KIF16B: variants seen among roughly 807,000 people sequenced by gnomAD.
The protein encoded by KIF16B is kinesin-like protein KIF16B.
A neutral mutation model predicts 156.3 loss-of-function variants in KIF16B; 98 were observed. The observed-to-expected ratio is 0.63, with a 90% CI of 0.53 to 0.74. The LOEUF is 0.74. Among genes scored for constraint, KIF16B ranks in the 30% least tolerant of loss-of-function variants. The pLI, the probability that KIF16B is intolerant of heterozygous loss-of-function variation, is 0.00. For synonymous variants in KIF16B, 564 were observed against 583.7 expected (o/e 0.97, Z 0.49); for missense variants, 1,421 against 1,606.5 (o/e 0.88, Z 1.97).
At chr20:16,551,217 C>T (rs575454697) in intron 1 of KIF16B, among the ~76,000 whole-genome samples, 4 of 151,142 alleles carry the variant, frequency 2.6e-5, no homozygotes, top group Admixed American at 6.6e-5. Context: ...CTGCAACCTC[C>T]GCCTCCTGGT....
At chr20:16,315,568 C>A (rs2063685525) in intron 24 of KIF16B, among the ~76,000 whole-genome samples, 1 of 152,092 alleles carries the variant, frequency 6.6e-6, no homozygotes, top group East Asian at 1.9e-4. Flanking sequence ...ATGAACATAC[C>A]ACTCCAAGGC....
intron 25 of KIF16B, among the ~76,000 whole-genome samples, chr20:16,300,576 A>C (rs930630279): frequency 1.3e-5 from 2 of 152,188 alleles, no homozygotes; most frequent in African/African-American, 2.4e-5. Flanking sequence ...GAAGGATAGA[A>C]GTGAAAGAGC....
intron 17 of KIF16B, among the ~76,000 whole-genome samples, chr20:16,403,374 C>A (rs965315119): frequency 6.6e-6 from 1 of 152,158 alleles, no homozygotes; most frequent in South Asian, 2.1e-4. Flanking sequence ...AATTAAAGAC[C>A]TACAACAAAA....
At chr20:16,334,651 C>T (rs990276436) in intron 24 of KIF16B, among the ~76,000 whole-genome samples, 2 of 152,130 alleles carry the variant, frequency 1.3e-5, no homozygotes, top group African/African-American at 4.8e-5. Context: ...AGGGCAGATT[C>T]CTCACAAACA....
chr20:16,392,620 C>T (rs769980155), intron 17 of KIF16B, among the ~76,000 whole-genome samples: 12 of 152,218 alleles, frequency 7.9e-5, no homozygotes, highest in Non-Finnish European at 1.6e-4. Context: ...CATGCCGATA[C>T]GCCTAACCAG....
chr20:16,521,907 T>C (rs1186301991), intron 3 of KIF16B, among the ~76,000 whole-genome samples: 2 of 152,194 alleles, frequency 1.3e-5, no homozygotes, highest in South Asian at 2.1e-4. Context: ...CAGAATTTCA[T>C]ATCCAGCCAA....
At chr20:16,522,193 G>A (rs6111170) in intron 3 of KIF16B, among the ~76,000 whole-genome samples, 4,149 of 152,096 alleles carry the variant, frequency 0.027, 176 homozygotes, top group African/African-American at 0.095. Context: ...AAGTATAAAC[G>A]GGCTAAATGC....
intron 1 of KIF16B, among the ~76,000 whole-genome samples, chr20:16,535,013 T>TG (rs2069902765): frequency 6.6e-6 from 1 of 152,072 alleles, no homozygotes; most frequent in Non-Finnish European, 1.5e-5. Context: ...TTTTAGAATT[T>TG]TTTTTTTATT....
intron 17 of KIF16B, among the ~76,000 whole-genome samples, chr20:16,396,567 GAGAGGC>G: frequency 6.6e-6 from 1 of 151,334 alleles, no homozygotes; most frequent in Admixed American, 6.6e-5. Flanking sequence ...CACAGAGAGG[GAGAGGC>G]AGAGACAGAG....
At chr20:16,447,773 T>C (rs1462560624) in intron 12 of KIF16B, among the ~76,000 whole-genome samples, 1 of 152,154 alleles carries the variant, frequency 6.6e-6, no homozygotes. Flanking sequence ...ACTAGAAATA[T>C]TGGTTATATG....
At chr20:16,396,717 T>A (rs967108606) in intron 17 of KIF16B, among the ~76,000 whole-genome samples, 9 of 143,768 alleles carry the variant, frequency 6.3e-5, no homozygotes, top group African/African-American at 2.3e-4. Flanking sequence ...AAAAAATACA[T>A]TTAAGTATCA....
chr20:16,523,659 T>C (rs1228696417), intron 3 of KIF16B, among the ~76,000 whole-genome samples: 1 of 152,192 alleles, frequency 6.6e-6, no homozygotes, highest in Non-Finnish European at 1.5e-5. Context: ...CCATTGACTT[T>C]CTTCATAGAA....
At position 16,511,531 on chromosome 20, in the gene KIF16B, A is replaced by G. The variant is rs767743780; in HGVS notation, c.447-4T>C. The stretch of plus-strand genomic sequence containing the variant: ...TTCGTTATAAATTTCTAAGTAGCTA[A>G]AAATTTAAAATAAAATTGAATTCAG... On this transcript the variant is annotated splice_polypyrimidine_tract_variant and splice_region_variant and intron_variant, in intron 5 of 25. Transcript: ENST00000354981. 37 of 1,555,998 alleles carry G rather than the reference A, an allele frequency of 2.4e-5. No individual in the cohort carries two copies. Among genetic ancestry groups the G allele is most frequent in the Non-Finnish European group, 3.0e-5 (34 of 1,133,038 alleles).
rs1469116702 is a variant in KIF16B, at chr20:16,526,172, C to G, written c.151G>C (p.Glu51Gln). 1.1e-5 allele frequency: 18 copies of G among 1,605,898 alleles called. No homozygotes were observed. The highest frequency in any genetic ancestry group is 1.4e-5 in the Non-Finnish European group (17 of 1,176,068). The change falls in exon 3 of 26, where the codon GAA becomes CAA. Residue 51 changes from glutamate to glutamine, a missense_variant. Glu to Gln is a conservative substitution (Grantham distance 29). Coordinates refer to ENST00000354981, the MANE Select transcript of KIF16B (RefSeq NM_024704.5). ...TCATAGGTGAAGGTCTTGGTCCGTT[C>G]TCTTCCTGAGTCCCCAGTGCCTCCT... is the stretch of plus-strand genomic sequence containing the variant. ...PEGGTGDSGR[E>Q]RTKTFTYDFS...
intron 18 of KIF16B, among the ~76,000 whole-genome samples, chr20:16,380,880 G>C (rs1484732231): frequency 2.0e-5 from 3 of 152,272 alleles, no homozygotes; most frequent in Admixed American, 1.3e-4. Context: ...GCCTCCAGAG[G>C]AAGAACACAG....
At chr20:16,512,997 G>T in intron 4 of KIF16B, 74 bp from the exon 5 acceptor site, 1 of 1,135,190 alleles carries the variant, frequency 8.8e-7, no homozygotes, top group Non-Finnish European at 1.3e-6. Context: ...GCAATTTGCT[G>T]GCATGAAGTT....
At chr20:16,472,808 C>T (rs1031898754) in intron 12 of KIF16B, among the ~76,000 whole-genome samples, 4 of 152,126 alleles carry the variant, frequency 2.6e-5, no homozygotes, top group African/African-American at 9.7e-5. Flanking sequence ...TGTGCCACTA[C>T]CATGCCAATC....
In KIF16B at chr20:16,561,530, GC is replaced by G. The variant is rs370440542; in HGVS notation, c.47+11698del. On this transcript the variant is annotated intron_variant, in intron 1 of 25. Coordinates refer to ENST00000354981, the MANE Select transcript of KIF16B (RefSeq NM_024704.5). ...TTTATTAGAAAATCTGAGGTGTGTT[GC>G]CATGAGGGGAAAATTCTTTTGCAAA... Among the ~76,000 whole-genome samples the G allele has an allele frequency of 3.0e-3, 454 of 152,118 alleles. 3 individuals carry two copies. Among genetic ancestry groups the G allele is most frequent in the African/African-American group, 0.011 (443 of 41,496 alleles).
rs1048408939 is a variant in KIF16B at position 16,370,702 on chromosome 20, C to G, written c.3448-66G>C. 3.5e-6 allele frequency: 4 copies of G among 1,142,350 alleles called. No homozygotes were observed. In the East Asian group the frequency reaches 7.7e-5, roughly 22 times the overall value. The allele number at this position is 1,142,350 out of a possible 1,614,324, so 70.8% of individuals were successfully genotyped here. ...AAGTTCACGGGGCGGGGGACTGATT[C>G]GATTACAAGTATTTATGGGAATGGA... On this transcript the variant is annotated intron_variant, in intron 21 of 25. Transcript: ENST00000354981.
Sources: gnomAD v4.1 joint callset for allele counts (sites outside exome capture counted in the v4.1 genomes callset) on GRCh38, gnomAD v4.1.1 for gene constraint, MANE v1.5 for transcripts, NCBI Gene and HGNC (gene_info 2026-07-23, HGNC 2026-07-21) for gene names.